Variants in NLGN1 observed in about 807,000 individuals in gnomAD.
The protein encoded by NLGN1 is neuroligin 1.
Under a neutral mutation model 65.5 loss-of-function variants are expected in NLGN1, and 12 were observed. The observed-to-expected ratio is 0.18, with a 90% CI of 0.12 to 0.30. NLGN1 has a LOEUF of 0.30. NLGN1 is among the 10% of genes least tolerant of loss of function. The pLI is 1.00. For missense variants in NLGN1, 750 were observed against 1,007.1 expected, an observed-to-expected ratio of 0.74 and a Z score of 3.46; for synonymous variants, 350 against 359.5, an observed-to-expected ratio of 0.97 and a Z score of 0.30.
At chr3:173,409,203 C>G (rs1021501251) in intron 1 of NLGN1, among the ~76,000 whole-genome samples, 5 of 152,146 alleles carry the variant, frequency 3.3e-5, no homozygotes, top group African/African-American at 1.2e-4. Flanking sequence ...CCATCTTTAA[C>G]ATTGCAATAT....
chr3:173,628,198 T>C (rs1755105990), intron 3 of NLGN1, among the ~76,000 whole-genome samples: 1 of 152,132 alleles, frequency 6.6e-6, no homozygotes, highest in Non-Finnish European at 1.5e-5. Flanking sequence ...CTCTGTAACA[T>C]GTTCTTCTTA....
chr3:173,924,622 CA>C (rs538515565), intron 4 of NLGN1, among the ~76,000 whole-genome samples: 103 of 128,646 alleles, frequency 8.0e-4, no homozygotes, highest in Admixed American at 2.1e-3. Context: ...AACCCTGTCT[CA>C]AAAAAAAAAA....
intron 4 of NLGN1, among the ~76,000 whole-genome samples, chr3:174,156,832 A>C (rs1725536107): frequency 6.6e-6 from 1 of 151,712 alleles, no homozygotes; most frequent in South Asian, 2.1e-4. Context: ...TGGCAAGTTA[A>C]TTGTAAACTA....
chr3:173,636,508 T>C (rs1377510886), intron 3 of NLGN1, among the ~76,000 whole-genome samples: 1 of 152,160 alleles, frequency 6.6e-6, no homozygotes, highest in Non-Finnish European at 1.5e-5. Flanking sequence ...ATTTGTTTTG[T>C]TTTGTTAATC....
chr3:174,109,099 T>C (rs1046567161), intron 4 of NLGN1, among the ~76,000 whole-genome samples: 3 of 152,068 alleles, frequency 2.0e-5, no homozygotes, highest in Admixed American at 6.6e-5. Context: ...TAAATTCTTA[T>C]TAAATTTTTT....
At chr3:173,890,084 G>C (rs1202778883) in intron 4 of NLGN1, among the ~76,000 whole-genome samples, 1 of 151,944 alleles carries the variant, frequency 6.6e-6, no homozygotes, top group Non-Finnish European at 1.5e-5. Context: ...ATCATTTTCT[G>C]TTATCCCATT....
intron 2 of NLGN1, among the ~76,000 whole-genome samples, chr3:173,567,403 T>C (rs1347795415): frequency 6.6e-6 from 1 of 151,966 alleles, no homozygotes; most frequent in East Asian, 1.9e-4. Context: ...AGTTTTTTAG[T>C]TTTTAAAAGT....
rs1765445024 is a variant in NLGN1, at chr3:173,691,391, T to A, written c.493+86300T>A. 2.0e-5 allele frequency among the ~76,000 whole-genome samples: 3 copies of A among 152,162 alleles called. No homozygotes were observed. In the South Asian group the frequency reaches 6.2e-4, roughly 31 times the overall value. On this transcript the variant is annotated intron_variant, in intron 3 of 6. Transcript: ENST00000457714. ...TAATATCCTTCTGAATTCTCTCTTC[T>A]TAATTTATAATAGGCTCTTTAAAAG... is the stretch of plus-strand genomic sequence containing the variant.
intron 4 of NLGN1, among the ~76,000 whole-genome samples, chr3:173,825,539 A>G (rs1721175477): frequency 1.3e-5 from 2 of 152,180 alleles, no homozygotes; most frequent in East Asian, 1.9e-4. Flanking sequence ...GTATATAATT[A>G]TTATTAGAAA....
chr3:173,861,166 A>G (rs1728991439), intron 4 of NLGN1, among the ~76,000 whole-genome samples: 2 of 152,216 alleles, frequency 1.3e-5, no homozygotes, highest in African/African-American at 4.8e-5. Context: ...TACACACTTT[A>G]AAACTTGATG....
chr3:173,786,184 A>G (rs1404907867), intron 3 of NLGN1, among the ~76,000 whole-genome samples: 1 of 152,174 alleles, frequency 6.6e-6, no homozygotes, highest in Non-Finnish European at 1.5e-5. Flanking sequence ...ACAGAATTTT[A>G]TTGATTTTTA....
intron 4 of NLGN1, among the ~76,000 whole-genome samples, chr3:174,026,790 C>A (rs1728924977): frequency 6.6e-6 from 1 of 152,164 alleles, no homozygotes; most frequent in Non-Finnish European, 1.5e-5. Context: ...AAAACCACTT[C>A]TATTACACAG....
At chr3:173,907,443 A>C (rs1273468595) in intron 4 of NLGN1, among the ~76,000 whole-genome samples, 1 of 152,156 alleles carries the variant, frequency 6.6e-6, no homozygotes, top group African/African-American at 2.4e-5. Flanking sequence ...CAAGCACTCT[A>C]CTTCCCTATT....
intron 4 of NLGN1, among the ~76,000 whole-genome samples, chr3:174,221,068 C>T (rs774822436): frequency 1.5e-4 from 23 of 152,164 alleles, no homozygotes; most frequent in Non-Finnish European, 2.5e-4. Context: ...TCTTAATCGG[C>T]ACTGCAGCAC....
intron 2 of NLGN1, among the ~76,000 whole-genome samples, chr3:173,483,085 TG>T (rs1270010443): frequency 6.6e-6 from 1 of 152,106 alleles, no homozygotes; most frequent in Non-Finnish European, 1.5e-5. Context: ...GTGGTACTCA[TG>T]TTTTGGGAAC....
chr3:173,646,547 C>A (rs1263115158), intron 3 of NLGN1, among the ~76,000 whole-genome samples: 1 of 152,136 alleles, frequency 6.6e-6, no homozygotes, highest in Non-Finnish European at 1.5e-5. Context: ...AATATATATC[C>A]CAGTTAATCT....
At chr3:173,470,790 G>A (rs1725190398) in intron 2 of NLGN1, among the ~76,000 whole-genome samples, 1 of 152,014 alleles carries the variant, frequency 6.6e-6, no homozygotes, top group Non-Finnish European at 1.5e-5. Context: ...GCAGGCTATG[G>A]GATTCTTAAT....
At chr3:173,838,326 A>G (rs1196843726) in intron 4 of NLGN1, among the ~76,000 whole-genome samples, 3 of 152,138 alleles carry the variant, frequency 2.0e-5, no homozygotes, top group Non-Finnish European at 4.4e-5. Flanking sequence ...ATGATAACCA[A>G]ATTTTTGATA....
intron 4 of NLGN1, among the ~76,000 whole-genome samples, chr3:173,993,642 T>C (rs1015290922): frequency 8.5e-5 from 11 of 129,932 alleles, no homozygotes; most frequent in Non-Finnish European, 1.8e-4. Flanking sequence ...GATAGAAAGA[T>C]AGCTAGATAG....
Sources: gnomAD v4.1 joint callset for allele counts (sites outside exome capture counted in the v4.1 genomes callset) on GRCh38, gnomAD v4.1.1 for gene constraint, MANE v1.5 for transcripts, NCBI Gene and HGNC (gene_info 2026-07-23, HGNC 2026-07-21) for gene names.